The following SUCLG2 variants were observed in gnomAD, a reference collection of about 807,000 sequenced individuals.
SUCLG2 encodes succinate--CoA ligase [GDP-forming] subunit beta, mitochondrial.
In SUCLG2, 42 loss-of-function variants were observed where a neutral mutation model predicts 47.9. The observed-to-expected ratio is 0.88, with a 90% CI of 0.69 to 1.14. The LOEUF (loss-of-function observed/expected upper bound fraction) is 1.14. Among genes scored for constraint, SUCLG2 ranks in the 50% most tolerant of loss-of-function variants. The pLI is 0.00. For missense variants in SUCLG2, 571 were observed against 525.9 expected (o/e 1.09, Z -0.84); for synonymous variants, 195 against 197.3 (o/e 0.99, Z 0.10).
At chr3:67,391,988 C>A (rs915701057) in intron 10 of SUCLG2, among the ~76,000 whole-genome samples, 1 of 152,116 alleles carries the variant, frequency 6.6e-6, no homozygotes, top group African/African-American at 2.4e-5. Context: ...TCATTGGAGA[C>A]GTGGCTCTTG....
At chr3:67,534,843 T>C (rs186652415) in intron 2 of SUCLG2, among the ~76,000 whole-genome samples, 3 of 139,700 alleles carry the variant, frequency 2.1e-5, no homozygotes, top group African/African-American at 8.2e-5. Context: ...AATTAAAGAA[T>C]TTCTAACATT....
intron 7 of SUCLG2, among the ~76,000 whole-genome samples, chr3:67,505,670 G>C (rs1043041612): frequency 6.6e-6 from 1 of 152,102 alleles, no homozygotes; most frequent in African/African-American, 2.4e-5. Flanking sequence ...CCTACAAAGA[G>C]GTGGGTACAG....
intron 2 of SUCLG2, among the ~76,000 whole-genome samples, chr3:67,545,203 T>A (rs746202322): frequency 6.6e-6 from 1 of 152,168 alleles, no homozygotes. Flanking sequence ...ACTTTAAATC[T>A]GCTATAATTC....
rs1702016153 is a variant in SUCLG2, at chr3:67,375,531, G to A, written c.*213C>T. 7.5e-7 allele frequency: 1 copy of A among 1,330,090 alleles called. No homozygotes were observed. The highest frequency in any genetic ancestry group is 9.6e-7 in the Non-Finnish European group (1 of 1,039,516). The allele number at this position is 1,330,090 out of a possible 1,614,324, so 82.4% of individuals were successfully genotyped here. A position where few individuals can be genotyped will look rare whatever the true frequency, so the allele number is the denominator to read the frequency against. On this transcript the variant is annotated 3_prime_UTR_variant, in exon 11 of 11. Coordinates refer to ENST00000307227, the MANE Select transcript of SUCLG2 (RefSeq NM_003848.4). ...GGCTTACAGTGACAGAAAAGTATGA[G>A]AACACAAGATATTATTTTTATAAAG...
chr3:67,403,282 C>T (rs991952805), intron 9 of SUCLG2, among the ~76,000 whole-genome samples: 1 of 152,186 alleles, frequency 6.6e-6, no homozygotes, highest in East Asian at 1.9e-4. Context: ...ACCTTCCTCT[C>T]CCCATCCCAA....
At chr3:67,427,105 T>C (rs1479907781) in intron 9 of SUCLG2, among the ~76,000 whole-genome samples, 1 of 152,242 alleles carries the variant, frequency 6.6e-6, no homozygotes, top group South Asian at 2.1e-4. Flanking sequence ...GTTTTTTTGC[T>C]GAATGAAACT....
At chr3:67,431,079 G>A (rs1703467568) in intron 9 of SUCLG2, among the ~76,000 whole-genome samples, 1 of 152,072 alleles carries the variant, frequency 6.6e-6, no homozygotes, top group Non-Finnish European at 1.5e-5. Flanking sequence ...AGAAAAGGAG[G>A]GAATCCTCCC....
intron 10 of SUCLG2, among the ~76,000 whole-genome samples, chr3:67,397,244 C>A (rs12107065): frequency 0.22 from 33,431 of 152,100 alleles, 4,316 homozygotes; most frequent in African/African-American, 0.35. Context: ...TCCTTGTTTG[C>A]AGATGACATG....
chr3:67,460,569 T>G (rs1034290621), intron 9 of SUCLG2, among the ~76,000 whole-genome samples: 49 of 152,176 alleles, frequency 3.2e-4, no homozygotes, highest in Non-Finnish European at 5.6e-4. Flanking sequence ...CACACTGGTG[T>G]TAATCATTCC....
At chr3:67,516,392 C>T (rs1213134154) in intron 6 of SUCLG2, among the ~76,000 whole-genome samples, 1 of 151,996 alleles carries the variant, frequency 6.6e-6, no homozygotes. Flanking sequence ...TTAATTTTCT[C>T]GTATAATATG....
intron 9 of SUCLG2, among the ~76,000 whole-genome samples, chr3:67,481,041 T>A (rs541389624): frequency 6.6e-6 from 1 of 152,198 alleles, no homozygotes; most frequent in East Asian, 1.9e-4. Context: ...TTTACAAACA[T>A]ATCATCTACA....
At chr3:67,466,314 T>C (rs530208157) in intron 9 of SUCLG2, among the ~76,000 whole-genome samples, 2 of 152,138 alleles carry the variant, frequency 1.3e-5, no homozygotes, top group South Asian at 2.1e-4. Context: ...GATAGTGCCA[T>C]TGCACTCCAG....
intron 1 of SUCLG2, among the ~76,000 whole-genome samples, chr3:67,621,401 G>T (rs995462293): frequency 6.6e-6 from 1 of 152,122 alleles, no homozygotes; most frequent in African/African-American, 2.4e-5. Flanking sequence ...TAAATCTGAT[G>T]TACCTGCTAG....
intron 2 of SUCLG2, among the ~76,000 whole-genome samples, chr3:67,596,174 C>T (rs1462646554): frequency 6.6e-6 from 1 of 152,144 alleles, no homozygotes; most frequent in Non-Finnish European, 1.5e-5. Context: ...TATCCCTTGA[C>T]GGGTTGTCTA....
At position 67,529,099 on chromosome 3, in the gene SUCLG2, T is replaced by C. The variant is rs1559559369; in HGVS notation, c.314A>G (p.His105Arg). The C allele has an allele frequency of 6.2e-7, 1 of 1,611,488 alleles. No individual in the cohort carries two copies. Among genetic ancestry groups the C allele is most frequent in the East Asian group, 2.2e-5 (1 of 44,836 alleles). The part of the protein sequence containing the change: ...VFNSGLKGGV[H>R]LTKDPNVVGQ... ...CCTCCAGACTTACTCTTTTGTTAAA[T>C]GAACACCTCCTTTCAAACCACTATT... The change falls in exon 3 of 11, where the codon CAT (histidine) becomes CGT (arginine). Residue 105 changes from histidine (H) to arginine (R), a missense_variant. Transcript: ENST00000307227.
At chr3:67,574,760 A>G (rs1175084070) in intron 2 of SUCLG2, among the ~76,000 whole-genome samples, 1 of 152,222 alleles carries the variant, frequency 6.6e-6, no homozygotes, top group Non-Finnish European at 1.5e-5. Flanking sequence ...ACTACTAGAA[A>G]CATGAAATGA....
At chr3:67,445,789 T>C (rs1486035768) in intron 9 of SUCLG2, among the ~76,000 whole-genome samples, 1 of 57,900 alleles carries the variant, frequency 1.7e-5, no homozygotes, top group African/African-American at 6.8e-5. Flanking sequence ...AAAAAAAATG[T>C]CATAGAAGGA....
chr3:67,386,541 C>T (rs1475450557), intron 10 of SUCLG2, among the ~76,000 whole-genome samples: 1 of 152,174 alleles, frequency 6.6e-6, no homozygotes, highest in Non-Finnish European at 1.5e-5. Context: ...TTCCACATGG[C>T]TGAGGAGGCC....
chr3:67,584,110 A>G (rs1707950261), intron 2 of SUCLG2, among the ~76,000 whole-genome samples: 2 of 152,246 alleles, frequency 1.3e-5, no homozygotes, highest in African/African-American at 4.8e-5. Context: ...AAGTGTTCAT[A>G]GCAGCATTAA....
Sources: allele counts gnomAD v4.1 joint callset (sites outside exome capture counted in the v4.1 genomes callset), GRCh38; gene constraint gnomAD v4.1.1; transcripts MANE v1.5; gene names NCBI Gene and HGNC (gene_info 2026-07-23, HGNC 2026-07-21).